The following SDK2 variants were observed in gnomAD, a reference collection of about 807,000 sequenced individuals.
The protein encoded by SDK2 is sidekick cell adhesion molecule 2, also known as protein sidekick-2.
In SDK2, 105 loss-of-function variants were observed where a neutral mutation model predicts 253.9. The ratio of observed to expected loss-of-function variants is 0.41; its 90% confidence interval spans 0.35 to 0.49. SDK2 has a LOEUF of 0.49. Ranked by LOEUF, SDK2 falls within the 20% of genes least tolerant of loss-of-function variation. The probability of loss-of-function intolerance (pLI) is 0.06; values close to 1 mark genes in which losing one functional copy is unlikely to be tolerated. For missense variants in SDK2, 2,608 were observed against 3,003.0 expected, an observed-to-expected ratio of 0.87 and a Z score of 3.07; for synonymous variants, 1,249 against 1,234.9, an observed-to-expected ratio of 1.01 and a Z score of -0.24.
intron 1 of SDK2, among the ~76,000 whole-genome samples, chr17:73,531,941 A>G (rs1872085): frequency 0.34 from 51,859 of 152,066 alleles, 9,875 homozygotes; most frequent in South Asian, 0.46. Flanking sequence ...GTCTAGCCCT[A>G]GAGTGGCTGA....
At chr17:73,394,080 C>A in intron 26 of SDK2, 129 bp downstream of exon 26, 2 of 565,322 alleles carry the variant, frequency 3.5e-6, no homozygotes, top group Non-Finnish European at 2.9e-6. Context: ...TTGGCTAGGA[C>A]GCCAGGCAGA....
In SDK2 at chr17:73,418,297, C is replaced by T. The variant is rs115180853; in HGVS notation, c.2186+869G>A. 5.1e-3 allele frequency among the ~76,000 whole-genome samples: 778 copies of T among 152,314 alleles called. 4 individuals are homozygous for T. Among genetic ancestry groups the T allele is most frequent in the African/African-American group, 0.016 (666 of 41,564 alleles). On this transcript the variant is annotated intron_variant, in intron 16 of 44. Transcript: ENST00000392650. The stretch of plus-strand genomic sequence containing the variant: ...CTGGGATTACAGGCGTGAAACACCA[C>T]GCCCGGCCTGAAAGATTTTTTTAAA...
chr17:73,486,777 G>A (rs1488916916), intron 2 of SDK2, among the ~76,000 whole-genome samples: 2 of 152,124 alleles, frequency 1.3e-5, no homozygotes, highest in Admixed American at 6.5e-5. Context: ...GGAAGTGGGA[G>A]AAATCAATTC....
chr17:73,598,028 G>C (rs999002179), intron 1 of SDK2, among the ~76,000 whole-genome samples: 1 of 152,124 alleles, frequency 6.6e-6, no homozygotes, highest in African/African-American at 2.4e-5. Context: ...CAGAGGGTTT[G>C]GGTCACTATT....
chr17:73,522,126 G>C (rs938038094), intron 1 of SDK2, among the ~76,000 whole-genome samples: 1 of 150,442 alleles, frequency 6.6e-6, no homozygotes, highest in Non-Finnish European at 1.5e-5. Context: ...TTGTTTTTTT[G>C]CTCCTTCCAC....
rs2062964309 is a variant in SDK2, at chr17:73,395,526, A to G, written c.3355-134T>C. ...CCACTGTCACCCGGTCAGTGTCCAC[A>G]TGAGGCTCTCTCACCCGAGTGTGGC... On this transcript the variant is annotated intron_variant, in intron 24 of 44. Coordinates refer to ENST00000392650, the MANE Select transcript of SDK2 (RefSeq NM_001144952.2). The surrounding 1 kb of genome is among the most constrained non-coding windows in gnomAD (Gnocchi z 4.3). 4 of 660,772 alleles carry G rather than the reference A, an allele frequency of 6.1e-6. No individual in the cohort carries two copies. The highest frequency in any genetic ancestry group is 1.1e-5 in the Non-Finnish European group (4 of 380,240). 40.9% of individuals were successfully genotyped at this position (660,772 alleles called of 1,614,324 possible). A position where few individuals can be genotyped will look rare whatever the true frequency, so the allele number is the denominator to read the frequency against.
chr17:73,537,598 G>C (rs575665464), intron 1 of SDK2, among the ~76,000 whole-genome samples: 1 of 152,020 alleles, frequency 6.6e-6, no homozygotes, highest in African/African-American at 2.4e-5. Flanking sequence ...GGGGAGGTTT[G>C]GGGGGATGAA....
intron 1 of SDK2, among the ~76,000 whole-genome samples, chr17:73,595,491 G>C (rs1365811956): frequency 6.6e-6 from 1 of 152,156 alleles, no homozygotes; most frequent in East Asian, 1.9e-4. Flanking sequence ...CATGAGTCTG[G>C]GCCCTGGAGG....
intron 36 of SDK2, among the ~76,000 whole-genome samples, chr17:73,375,230 C>CTTTTTTTTTT (rs33992958): frequency 3.4e-5 from 2 of 58,578 alleles, no homozygotes; most frequent in African/African-American, 1.4e-4. Flanking sequence ...TCCTAACAAC[C>CTTTTTTTTTT]TTTTTTTTTT....
At chr17:73,594,606 A>G (rs2045727593) in intron 1 of SDK2, among the ~76,000 whole-genome samples, 1 of 151,972 alleles carries the variant, frequency 6.6e-6, no homozygotes, top group South Asian at 2.1e-4. Flanking sequence ...ACACACACAC[A>G]CACAACACAT....
intron 3 of SDK2, among the ~76,000 whole-genome samples, chr17:73,458,165 GA>G (rs982881586): frequency 6.6e-6 from 1 of 152,110 alleles, no homozygotes; most frequent in Non-Finnish European, 1.5e-5. Context: ...TAATAGAAAC[GA>G]GGTCTTGTTA....
chr17:73,580,504 AC>A (rs2045519993), intron 1 of SDK2, among the ~76,000 whole-genome samples: 1 of 152,182 alleles, frequency 6.6e-6, no homozygotes. Flanking sequence ...GCTCACGCCG[AC>A]CCAGGGCCAG....
chr17:73,401,977 G>A lies in SDK2; in HGVS notation c.2649C>T (p.Ser883=), dbSNP rs1266040433. 6.2e-7 allele frequency: 1 copy of A among 1,612,522 alleles called. No homozygotes were observed. Among genetic ancestry groups the A allele is most frequent in the Admixed American group, 1.7e-5 (1 of 59,864 alleles). Reference sequence around the variant, plus strand: ...CATGGGTGCGCACCAGCTGCGGGGTGCTGCGTGGCCCGTCCCCGGGGGTGG... The same window carrying A: ...CATGGGTGCGCACCAGCTGCGGGGTACTGCGTGGCCCGTCCCCGGGGGTGG... ...CFTTPGDGPR[S]TPQLVRTHED... The change falls in exon 19 of 45, where the codon AGC becomes AGT. Residue 883 remains serine (S), a synonymous_variant. Transcript: ENST00000392650.
chr17:73,497,647 A>T (rs1002663441), intron 2 of SDK2, among the ~76,000 whole-genome samples: 2 of 151,354 alleles, frequency 1.3e-5, no homozygotes, highest in Non-Finnish European at 2.9e-5. Flanking sequence ...TGCATCTCAG[A>T]CCCATCCGCT....
chr17:73,578,515 C>T (rs1484824416), intron 1 of SDK2, among the ~76,000 whole-genome samples: 1 of 152,196 alleles, frequency 6.6e-6, no homozygotes, highest in Non-Finnish European at 1.5e-5. Context: ...TGGTCCCTAC[C>T]TCCCAGGGTT....
chr17:73,379,650 A>G lies in SDK2; in HGVS notation c.4763-101T>C, dbSNP rs879017750. 1 of 691,274 alleles carries G rather than the reference A, an allele frequency of 1.4e-6. No homozygotes were observed. Among genetic ancestry groups the G allele is most frequent in the South Asian group, 1.9e-5 (1 of 53,006 alleles). 42.8% of individuals were successfully genotyped at this position (691,274 alleles called of 1,614,324 possible). A position where few individuals can be genotyped will look rare whatever the true frequency, so the allele number is the denominator to read the frequency against. ...GAGGCTGCAGGGGGAGGAATGAGGCACCCCCGCCATTCTAGCCCCCTCTGT... is the reference window on the plus strand; with the variant it reads ...GAGGCTGCAGGGGGAGGAATGAGGCGCCCCCGCCATTCTAGCCCCCTCTGT... On this transcript the variant is annotated intron_variant, in intron 34 of 44. Transcript: ENST00000392650. The surrounding 1 kb of genome is among the most constrained non-coding windows in gnomAD (Gnocchi z 4.5).
chr17:73,542,388 G>A (rs927412396), intron 1 of SDK2, among the ~76,000 whole-genome samples: 3 of 152,240 alleles, frequency 2.0e-5, no homozygotes, highest in East Asian at 1.9e-4. Context: ...TGCCTGGAGC[G>A]ACCCTGGCTT....
At chr17:73,578,055 G>A (rs898352441) in intron 1 of SDK2, among the ~76,000 whole-genome samples, 1 of 148,610 alleles carries the variant, frequency 6.7e-6, no homozygotes, top group Non-Finnish European at 1.5e-5. Flanking sequence ...GAGCCCTATG[G>A]ACATCTTTTT....
intron 1 of SDK2, among the ~76,000 whole-genome samples, chr17:73,611,920 T>C (rs2045979738): frequency 1.3e-5 from 2 of 152,024 alleles, no homozygotes; most frequent in Non-Finnish European, 2.9e-5. Context: ...TGCCCAACTC[T>C]GCGTGGGGAA....
Sources: gnomAD v4.1 joint callset for allele counts (sites outside exome capture counted in the v4.1 genomes callset) on GRCh38, gnomAD v4.1.1 for gene constraint, Gnocchi (gnomAD v3.1) non-coding constraint, MANE v1.5 for transcripts, NCBI Gene and HGNC (gene_info 2026-07-23, HGNC 2026-07-21) for gene names.